The following LOXHD1 variants were observed in gnomAD, a reference collection of about 807,000 sequenced individuals.
The protein encoded by LOXHD1 is lipoxygenase homology domain-containing protein 1.
Under a neutral mutation model 248.2 loss-of-function variants are expected in LOXHD1, and 205 were observed. The observed-to-expected ratio is 0.83, with a 90% CI of 0.74 to 0.93. The LOEUF (loss-of-function observed/expected upper bound fraction) is 0.93, where lower values mean the gene tolerates loss of function less well. LOXHD1 is among the 40% of genes least tolerant of loss of function. The probability of loss-of-function intolerance (pLI) is 0.00; values close to 1 mark genes in which losing one functional copy is unlikely to be tolerated. For synonymous variants in LOXHD1, 1,113 were observed against 1,162.8 expected (o/e 0.96, Z 0.87); for missense variants, 2,930 against 2,971.6 (o/e 0.99, Z 0.33).
chr18:46,608,778 G>A (rs979694189), intron 6 of LOXHD1, among the ~76,000 whole-genome samples: 180 of 152,318 alleles, frequency 1.2e-3, no homozygotes, highest in African/African-American at 4.2e-3. Flanking sequence ...AGGAATTTGG[G>A]CATTTCTTCC....
At chr18:46,538,539 A>C (rs1333713923) in intron 25 of LOXHD1, among the ~76,000 whole-genome samples, 1 of 152,000 alleles carries the variant, frequency 6.6e-6, no homozygotes, top group African/African-American at 2.4e-5. Flanking sequence ...CCCCGCCCCC[A>C]TGGAAAACCC....
intron 29 of LOXHD1, among the ~76,000 whole-genome samples, chr18:46,528,248 T>C (rs1443474194): frequency 6.6e-6 from 1 of 151,978 alleles, no homozygotes; most frequent in Non-Finnish European, 1.5e-5. Flanking sequence ...CCTGTGGAGA[T>C]AGCCTGGCCT....
chr18:46,542,081 G>A, intron 24 of LOXHD1, 141 bp from the exon 25 acceptor site: 2 of 770,008 alleles, frequency 2.6e-6, no homozygotes, highest in Non-Finnish European at 4.0e-6. Context: ...TTGCAGCATT[G>A]CTAAAGTGAC....
At chr18:46,494,690 C>T (rs1389363997) in intron 37 of LOXHD1, among the ~76,000 whole-genome samples, 1 of 152,116 alleles carries the variant, frequency 6.6e-6, no homozygotes, top group Non-Finnish European at 1.5e-5. Flanking sequence ...GCCTCAGTAT[C>T]CTCACTTGTA....
chr18:46,581,054 G>C (rs983215790), intron 12 of LOXHD1, among the ~76,000 whole-genome samples: 1 of 152,234 alleles, frequency 6.6e-6, no homozygotes, highest in Non-Finnish European at 1.5e-5. Context: ...CCATTGGAGG[G>C]CTTCAAGCAA....
rs140317095 is a variant in LOXHD1 at position 46,644,321 on chromosome 18, C to A, written c.246-2285G>T. Among the ~76,000 whole-genome samples the A allele has an allele frequency of 2.0e-4, 31 of 152,336 alleles. 1 individual carries two copies. The highest frequency in any genetic ancestry group is 1.5e-3 in the East Asian group (8 of 5,184). On this transcript the variant is annotated intron_variant, in intron 2 of 40. Transcript: ENST00000642948. ...AAGGTGTGACTTGGAAGGAAAGCAG[C>A]TGGCTTTCTGGGGTGCTTCTGATGA... is the stretch of plus-strand genomic sequence containing the variant.
intron 9 of LOXHD1, among the ~76,000 whole-genome samples, chr18:46,594,057 G>T (rs191131063): frequency 8.5e-5 from 13 of 152,318 alleles, no homozygotes; most frequent in African/African-American, 2.9e-4. Context: ...GCACTGTAGT[G>T]AACGATTCAG....
chr18:46,588,737 G>A (rs1471018053), intron 12 of LOXHD1, among the ~76,000 whole-genome samples: 2 of 152,166 alleles, frequency 1.3e-5, no homozygotes, highest in Non-Finnish European at 1.5e-5. Flanking sequence ...CCTCTCTGGT[G>A]TCCTCTCTCT....
At chr18:46,543,984 C>A (rs2036682735) in intron 23 of LOXHD1, among the ~76,000 whole-genome samples, 1 of 152,188 alleles carries the variant, frequency 6.6e-6, no homozygotes, top group African/African-American at 2.4e-5. Context: ...CATATATAAT[C>A]AGTCCTGAGA....
At chr18:46,556,434 G>A (rs1371695634) in intron 21 of LOXHD1, among the ~76,000 whole-genome samples, 1 of 152,084 alleles carries the variant, frequency 6.6e-6, no homozygotes, top group East Asian at 1.9e-4. Context: ...CTGGTCTGGG[G>A]GATCTATTGG....
Position 46,477,880 on chromosome 18 carries a change from G to A in LOXHD1, c.6414C>T (p.Thr2138=). The A allele has an allele frequency of 6.4e-7, 1 of 1,551,742 alleles. No homozygotes were observed. The highest frequency in any genetic ancestry group is 8.7e-7 in the Non-Finnish European group (1 of 1,147,020). Residue 2138 remains threonine, a synonymous_variant, in exon 41 of 41, where the codon ACC becomes ACT. Transcript: ENST00000642948. The part of the protein sequence containing the change: ...KRKYFKVFEV[T]KTTESFASKV... ...TGCTGGCAAAGCTCTCTGTCGTCTT[G>A]GTAACCTCGAATACCTTGAAGTACT...
At chr18:46,608,226 C>T (rs1040320338) in intron 6 of LOXHD1, among the ~76,000 whole-genome samples, 2 of 152,134 alleles carry the variant, frequency 1.3e-5, no homozygotes, top group Admixed American at 1.3e-4. Context: ...GTCTACTTGG[C>T]CTCAATATCA....
intron 37 of LOXHD1, among the ~76,000 whole-genome samples, chr18:46,492,556 G>C (rs540103872): frequency 6.6e-6 from 1 of 152,268 alleles, no homozygotes; most frequent in East Asian, 1.9e-4. Context: ...CCCTGGTCTC[G>C]CCTTTGACAC....
chr18:46,635,007 G>A (rs181542914), intron 4 of LOXHD1, among the ~76,000 whole-genome samples: 1 of 151,950 alleles, frequency 6.6e-6, no homozygotes, highest in Non-Finnish European at 1.5e-5. Flanking sequence ...AGTCAGGGAG[G>A]CCCCTTCCTC....
chr18:46,634,803 G>A (rs1187236781), intron 4 of LOXHD1, among the ~76,000 whole-genome samples: 3 of 152,180 alleles, frequency 2.0e-5, no homozygotes, highest in Non-Finnish European at 4.4e-5. Context: ...GAACAATGGA[G>A]AGTTAGTGTT....
intron 4 of LOXHD1, among the ~76,000 whole-genome samples, chr18:46,622,478 G>A (rs552823261): frequency 2.0e-5 from 3 of 152,250 alleles, no homozygotes; most frequent in Non-Finnish European, 2.9e-5. Context: ...TTGGGCCACC[G>A]GTGAGAGTTA....
rs59565700 is a variant in LOXHD1 at position 46,586,431 on chromosome 18, G to GT, written c.1654+5501dup. Among the ~76,000 whole-genome samples, 6 of 151,906 alleles carry GT rather than the reference G, an allele frequency of 3.9e-5. No individual in the cohort carries two copies. In the East Asian group the frequency reaches 9.7e-4, roughly 24 times the overall value. ...TGAATCATATCTTAATATAGCTGTT[G>GT]TTTTTTTTGTTTGTTTTGTTTGTTT... On this transcript the variant is annotated intron_variant, in intron 12 of 40. Coordinates refer to ENST00000642948, the MANE Select transcript of LOXHD1 (RefSeq NM_001384474.1).
intron 22 of LOXHD1, among the ~76,000 whole-genome samples, chr18:46,545,639 T>TC: frequency 7.8e-6 from 1 of 128,278 alleles, no homozygotes; most frequent in African/African-American, 3.3e-5. Context: ...TTTTTTTTTT[T>TC]TTTTTTTTGA....
intron 19 of LOXHD1, 31 bp downstream of exon 19, chr18:46,560,052 T>TGACC: frequency 2.3e-6 from 1 of 441,130 alleles, no homozygotes; most frequent in Non-Finnish European, 3.6e-6. Flanking sequence ...GGCCACTCCC[T>TGACC]CCCCACCCCC....
Sources: gnomAD v4.1 joint callset for allele counts (sites outside exome capture counted in the v4.1 genomes callset) on GRCh38, gnomAD v4.1.1 for gene constraint, MANE v1.5 for transcripts, NCBI Gene and HGNC (gene_info 2026-07-23, HGNC 2026-07-21) for gene names.